Variants in RANBP2 observed in about 807,000 individuals in gnomAD.
The protein encoded by RANBP2 is RAN binding protein 2.
RANBP2 carries 57 observed loss-of-function variants against 303.6 expected under a neutral mutation model. The ratio of observed to expected loss-of-function variants is 0.19; its 90% CI spans 0.15 to 0.23. The LOEUF (loss-of-function observed/expected upper bound fraction) is 0.23, where lower values mean the gene tolerates loss of function less well. Ranked by LOEUF, RANBP2 falls within the 10% of genes least tolerant of loss-of-function variation. The pLI is 1.00. For missense variants in RANBP2, 3,138 were observed against 3,780.8 expected, an observed-to-expected ratio of 0.83 and a Z score of 4.46; for synonymous variants, 1,167 against 1,301.5, an observed-to-expected ratio of 0.90 and a Z score of 2.23.
At chr2:109,405,625 C>T in the RANBP2 span, among the ~76,000 whole-genome samples, 2 of 152,248 alleles carry the variant, frequency 1.3e-5, no homozygotes, top group South Asian at 4.1e-4. Flanking sequence ...CACACAGACA[C>T]ATACCTGTGC....
At chr2:108,811,247 C>CTTTTTTTTTTTTTTTTTTTTTTTT in the RANBP2 span, among the ~76,000 whole-genome samples, 20 of 113,940 alleles carry the variant, frequency 1.8e-4, no homozygotes, top group African/African-American at 6.9e-4. Context: ...TTCTCTCTCT[C>CTTTTTTTTTTTTTTTTTTTTTTTT]TTTTTTTTTT....
the RANBP2 span, among the ~76,000 whole-genome samples, chr2:109,047,114 C>T: frequency 1.3e-5 from 2 of 151,990 alleles, no homozygotes; most frequent in Non-Finnish European, 2.9e-5. Flanking sequence ...CCTGGTGCTC[C>T]TCTGGCAGCA....
the RANBP2 span, among the ~76,000 whole-genome samples, chr2:109,055,195 C>T: frequency 9.2e-5 from 14 of 152,016 alleles, no homozygotes; most frequent in Non-Finnish European, 1.9e-4. Context: ...CATATATATT[C>T]TTTTCTGAAG....
chr2:109,587,560 A>G, the RANBP2 span, among the ~76,000 whole-genome samples: 1 of 152,224 alleles, frequency 6.6e-6, no homozygotes, highest in African/African-American at 2.4e-5. Flanking sequence ...TACAAACAGG[A>G]AATATCCAAA....
chr2:109,210,431 G>A, the RANBP2 span, among the ~76,000 whole-genome samples: 2 of 152,228 alleles, frequency 1.3e-5, no homozygotes, highest in African/African-American at 2.4e-5. Flanking sequence ...AGCACAGTGA[G>A]GCTACATGTT....
the RANBP2 span, among the ~76,000 whole-genome samples, chr2:109,458,869 T>A: frequency 6.6e-6 from 1 of 152,236 alleles, no homozygotes; most frequent in Non-Finnish European, 1.5e-5. Flanking sequence ...AATGCCTTCA[T>A]AGCAACATCT....
chr2:109,567,548 C>T, the RANBP2 span, among the ~76,000 whole-genome samples: 12 of 152,238 alleles, frequency 7.9e-5, no homozygotes, highest in East Asian at 1.9e-3. Flanking sequence ...TATGGCTGCA[C>T]AAAAGGTATA....
the RANBP2 span, among the ~76,000 whole-genome samples, chr2:108,816,421 A>G: frequency 1.3e-5 from 2 of 152,200 alleles, no homozygotes; most frequent in African/African-American, 4.8e-5. Context: ...ACTGCACTCC[A>G]GCCTGGGCAA....
In RANBP2 at chr2:108,764,650, A is replaced by G. The variant is rs761164866; in HGVS notation, c.4111A>G (p.Lys1371Glu). Residue 1371 changes from lysine to glutamate, a missense_variant, in exon 20 of 29, where the codon AAA becomes GAA. By Grantham distance (56) the Lys-to-Glu change is moderately conservative. Around this residue, in one of 20 missense-constraint regions of RANBP2, gnomAD observed 388 missense variants for 328.5 expected, o/e 1.18. Transcript: ENST00000283195. ...ATTAAAGAATGCTTCAACTGCTAAGAAATGTGTATCATGCCAAAATCTAAA... is the reference window on the plus strand; with the variant it reads ...ATTAAAGAATGCTTCAACTGCTAAGGAATGTGTATCATGCCAAAATCTAAA... The part of the protein sequence containing the change: ...CSLKNASTAK[K>E]CVSCQNLNPS... 1 of 1,614,082 alleles carries G rather than the reference A, an allele frequency of 6.2e-7. No individual in the cohort carries two copies. Among genetic ancestry groups the G allele is most frequent in the Non-Finnish European group, 8.5e-7 (1 of 1,179,960 alleles).
At chr2:109,295,162 A>G in the RANBP2 span, among the ~76,000 whole-genome samples, 1 of 152,240 alleles carries the variant, frequency 6.6e-6, no homozygotes, top group African/African-American at 2.4e-5. Flanking sequence ...CCTGGCCTGC[A>G]GGTGCCTGCC....
At chr2:109,075,560 C>A in the RANBP2 span, among the ~76,000 whole-genome samples, 4 of 56,968 alleles carry the variant, frequency 7.0e-5, no homozygotes, top group Admixed American at 2.4e-4. Context: ...TAAATAAAAT[C>A]AACATGCCCT....
At chr2:109,251,657 C>T in the RANBP2 span, 7 of 1,370,220 alleles carry the variant, frequency 5.1e-6, no homozygotes, top group Non-Finnish European at 7.3e-6. Context: ...TAAATAATGG[C>T]TGTTCAGCAG....
chr2:109,420,735 G>A, the RANBP2 span, among the ~76,000 whole-genome samples: 12 of 152,202 alleles, frequency 7.9e-5, no homozygotes, highest in Admixed American at 5.2e-4. Context: ...ATGAGCCACC[G>A]CGCCCGGCCA....
the RANBP2 span, among the ~76,000 whole-genome samples, chr2:109,242,673 C>T: frequency 6.6e-6 from 1 of 152,182 alleles, no homozygotes; most frequent in Admixed American, 6.5e-5. Context: ...CCAATGGCTG[C>T]TTGGCCAGAC....
At chr2:108,917,252 A>G in the RANBP2 span, among the ~76,000 whole-genome samples, 1 of 152,204 alleles carries the variant, frequency 6.6e-6, no homozygotes, top group Non-Finnish European at 1.5e-5. Flanking sequence ...TGGATCTCAT[A>G]GAAGTGGAGC....
intron 7 of RANBP2, among the ~76,000 whole-genome samples, chr2:108,742,948 C>T (rs1308003407): frequency 6.6e-6 from 1 of 151,966 alleles, no homozygotes; most frequent in African/African-American, 2.4e-5. Flanking sequence ...ACCACCACGC[C>T]CAGCTAATTT....
At chr2:108,869,738 G>A in the RANBP2 span, among the ~76,000 whole-genome samples, 1 of 152,090 alleles carries the variant, frequency 6.6e-6, no homozygotes, top group Non-Finnish European at 1.5e-5. Context: ...TGCATGCCCA[G>A]ACAAGACCTG....
At chr2:109,350,965 C>G in the RANBP2 span, among the ~76,000 whole-genome samples, 2 of 152,198 alleles carry the variant, frequency 1.3e-5, no homozygotes, top group African/African-American at 4.8e-5. Context: ...TGGATCAAAG[C>G]AAGATTTTTA....
the RANBP2 span, among the ~76,000 whole-genome samples, chr2:109,328,954 G>A: frequency 2.0e-5 from 3 of 152,248 alleles, no homozygotes; most frequent in South Asian, 4.1e-4. Context: ...GTCATGACAA[G>A]CTTGGCCACG....
Sources: allele counts gnomAD v4.1 joint callset (sites outside exome capture counted in the v4.1 genomes callset), GRCh38; gene constraint gnomAD v4.1.1; regional missense constraint gnomAD v4.1.1; transcripts MANE v1.5; gene names NCBI Gene and HGNC (gene_info 2026-07-23, HGNC 2026-07-21).